MBTPS1: variants seen among roughly 807,000 people sequenced by gnomAD.
MBTPS1 encodes membrane-bound transcription factor site-1 protease.
In MBTPS1, 94 loss-of-function variants were observed where a neutral mutation model predicts 127.8. That is an observed-to-expected ratio of 0.74 (90% confidence interval 0.62 to 0.87). The LOEUF (loss-of-function observed/expected upper bound fraction) is 0.87, where lower values mean the gene tolerates loss of function less well. MBTPS1 is among the 40% of genes least tolerant of loss of function. The pLI, the probability that MBTPS1 is intolerant of heterozygous loss-of-function variation, is 0.00. For synonymous variants in MBTPS1, 632 were observed against 509.4 expected (o/e 1.24, Z -3.24); for missense variants, 1,636 against 1,353.2 (o/e 1.21, Z -3.28).
Position 84,069,647 on chromosome 16 carries a change from A to G in MBTPS1, c.1955+219T>C, listed in dbSNP as rs74700441. Reference sequence around the variant, plus strand: ...GCGCAATGGGAGAAGGAAGGAAAAGAGAACTTCAAGCTTTTTACTGCATAA... The same window carrying G: ...GCGCAATGGGAGAAGGAAGGAAAAGGGAACTTCAAGCTTTTTACTGCATAA... On this transcript the variant is annotated intron_variant, in intron 14 of 22. Coordinates refer to ENST00000343411, the MANE Select transcript of MBTPS1 (RefSeq NM_003791.4). 6.0e-4 allele frequency among the ~76,000 whole-genome samples: 91 copies of G among 152,362 alleles called. 1 individual carries two copies. Among genetic ancestry groups the G allele is most frequent in the African/African-American group, 2.0e-3 (85 of 41,582 alleles).
chr16:84,084,967 A>AG lies in MBTPS1; in HGVS notation c.1286+15dup. On this transcript the variant is annotated intron_variant, in intron 10 of 22. Transcript: ENST00000343411. Reference sequence around the variant, plus strand: ...CCTGACGTGGGAGCTACTGGTCTCTAGGGGGCAGCACTCACCTCACTAACA... The same window carrying AG: ...CCTGACGTGGGAGCTACTGGTCTCTAGGGGGGCAGCACTCACCTCACTAACA... The AG allele has an allele frequency of 6.2e-7, 1 of 1,612,426 alleles. No individual in the cohort carries two copies. Among genetic ancestry groups the AG allele is most frequent in the South Asian group, 1.1e-5 (1 of 90,832 alleles).
intron 16 of MBTPS1, 32 bp downstream of exon 16, chr16:84,067,635 C>CATATTTT: frequency 3.2e-6 from 5 of 1,547,972 alleles, no homozygotes; most frequent in Non-Finnish European, 4.4e-6. Context: ...CCCCAAAAGT[C>CATATTTT]TTATCCAAAT....
Position 84,093,278 on chromosome 16 carries a change from GA to G in MBTPS1, c.755del (p.Phe252SerfsTer5). The G allele has an allele frequency of 6.2e-7, 1 of 1,613,192 alleles. No homozygotes were observed. The highest frequency in any genetic ancestry group is 8.5e-7 in the Non-Finnish European group (1 of 1,179,136). On this transcript the variant is annotated frameshift_variant, in exon 6 of 23. Transcript: ENST00000343411. LOFTEE classifies it high-confidence loss of function. The part of the protein sequence containing the change: ...TLDDGLGHGT[F>X]VAGVIASMRE... ...TCATGCTGGCTATCACACCTGCCACGAATGTGCCATGGCCCAACCCTGCAGT... is the reference window on the plus strand; with the variant it reads ...TCATGCTGGCTATCACACCTGCCACGATGTGCCATGGCCCAACCCTGCAGT...
intron 13 of MBTPS1, 106 bp downstream of exon 13, chr16:84,070,482 C>T (rs1207842736): frequency 8.7e-7 from 1 of 1,143,406 alleles, no homozygotes; most frequent in South Asian, 1.4e-5. Flanking sequence ...ATAAGCCTAT[C>T]TGTCAACTGT....
intron 10 of MBTPS1, among the ~76,000 whole-genome samples, chr16:84,083,766 G>A (rs911683341): frequency 3.3e-5 from 5 of 152,146 alleles, no homozygotes; most frequent in African/African-American, 7.2e-5. Context: ...AGAGTTTTGT[G>A]TGTTATCACA....
intron 3 of MBTPS1, among the ~76,000 whole-genome samples, chr16:84,098,794 T>C (rs184402780): frequency 6.6e-6 from 1 of 152,058 alleles, no homozygotes; most frequent in African/African-American, 2.4e-5. Flanking sequence ...ATCACTACCA[T>C]CTACTACTGC....
intron 4 of MBTPS1, among the ~76,000 whole-genome samples, chr16:84,094,633 C>G (rs1010391686): frequency 2.0e-5 from 3 of 152,134 alleles, no homozygotes; most frequent in Non-Finnish European, 4.4e-5. Context: ...ATCTATTAAA[C>G]TGAGATAAAT....
At chr16:84,094,282 G>A (rs1305590706) in intron 4 of MBTPS1, among the ~76,000 whole-genome samples, 1 of 151,952 alleles carries the variant, frequency 6.6e-6, no homozygotes, top group Non-Finnish European at 1.5e-5. Context: ...GGAAAAGGGG[G>A]AACCATTCCT....
At chr16:84,084,121 G>C (rs1360057050) in intron 10 of MBTPS1, among the ~76,000 whole-genome samples, 5 of 152,228 alleles carry the variant, frequency 3.3e-5, no homozygotes, top group African/African-American at 9.6e-5. Context: ...CACCACACCT[G>C]GCTAACTTGT....
At chr16:84,112,890 G>T (rs773577461) in intron 1 of MBTPS1, among the ~76,000 whole-genome samples, 23 of 148,226 alleles carry the variant, frequency 1.6e-4, no homozygotes, top group Admixed American at 9.6e-4. Context: ...TGGGAGAATC[G>T]CTTGAACCTG....
chr16:84,067,066 A>C (rs903756446), intron 16 of MBTPS1, among the ~76,000 whole-genome samples: 2 of 152,174 alleles, frequency 1.3e-5, no homozygotes, highest in African/African-American at 2.4e-5. Flanking sequence ...TATAAATATA[A>C]GTAAATTAAT....
chr16:84,074,905 G>A (rs2085830416), intron 11 of MBTPS1, 164 bp from the exon 12 acceptor site: 2 of 569,660 alleles, frequency 3.5e-6, no homozygotes, highest in Non-Finnish European at 3.1e-6. Context: ...GAATGCTCCT[G>A]CACAGATAAG....
intron 18 of MBTPS1, 74 bp downstream of exon 18, chr16:84,065,616 A>G: frequency 1.1e-6 from 1 of 937,548 alleles, no homozygotes; most frequent in Non-Finnish European, 1.8e-6. Flanking sequence ...CAGAGATGAG[A>G]GACAGAGAGA....
At chr16:84,099,621 T>C (rs775113644) in intron 2 of MBTPS1, among the ~76,000 whole-genome samples, 8 of 151,766 alleles carry the variant, frequency 5.3e-5, no homozygotes, top group Non-Finnish European at 7.4e-5. Context: ...CCATCTCTAC[T>C]AAAAATACAA....
intron 1 of MBTPS1, chr16:84,109,495 A>G (rs1597356058): frequency 6.6e-6 from 1 of 152,210 alleles, no homozygotes; most frequent in East Asian, 1.9e-4. Context: ...GGAAGCAGTA[A>G]TGGGACACAC....
chr16:84,069,736 C>T (rs1312228195), intron 14 of MBTPS1, 130 bp downstream of exon 14: 1 of 857,380 alleles, frequency 1.2e-6, no homozygotes, highest in Non-Finnish European at 1.8e-6. Context: ...AAAGCCTGAA[C>T]ATCTCAGCGT....
intron 1 of MBTPS1, among the ~76,000 whole-genome samples, chr16:84,112,577 G>C (rs945771146): frequency 6.6e-6 from 1 of 151,410 alleles, no homozygotes; most frequent in Non-Finnish European, 1.5e-5. Flanking sequence ...CATGAGAATG[G>C]CGTGAATCTG....
At position 84,111,900 on chromosome 16, in the gene MBTPS1, C is replaced by CAA. The variant is rs36019183; in HGVS notation, c.-325+4833_-325+4834dup. On this transcript the variant is annotated intron_variant, in intron 1 of 22. Coordinates refer to ENST00000343411, the MANE Select transcript of MBTPS1 (RefSeq NM_003791.4). ...TTCAATTTTAAAATGTGTCTATGAG[C>CAA]AAAAAAAAAAAAAAATGCAGCTGGG... Among the ~76,000 whole-genome samples the CAA allele has an allele frequency of 1.9e-3, 272 of 139,936 alleles. 2 individuals carry two copies. The highest frequency in any genetic ancestry group is 3.3e-3 in the Non-Finnish European group (212 of 63,842). 91.8% of individuals were successfully genotyped at this position (139,936 alleles called of 152,430 possible). A position where few individuals can be genotyped will look rare whatever the true frequency, so the allele number is the denominator to read the frequency against.
chr16:84,115,306 C>T (rs984704680), intron 1 of MBTPS1, among the ~76,000 whole-genome samples: 1 of 152,190 alleles, frequency 6.6e-6, no homozygotes, highest in African/African-American at 2.4e-5. Flanking sequence ...TCCGCAAGCT[C>T]TGCATTGGAA....
Sources: gnomAD v4.1 joint callset for allele counts (sites outside exome capture counted in the v4.1 genomes callset) on GRCh38, gnomAD v4.1.1 for gene constraint, MANE v1.5 for transcripts, NCBI Gene and HGNC (gene_info 2026-07-23, HGNC 2026-07-21) for gene names.